KIF13A: variants seen among roughly 807,000 people sequenced by gnomAD.
The protein encoded by KIF13A is kinesin family member 13A, also known as kinesin-like protein KIF13A.
In KIF13A, 79 loss-of-function variants were observed where a neutral mutation model predicts 212.2. The ratio of observed to expected loss-of-function variants is 0.37; its 90% confidence interval spans 0.31 to 0.45. The LOEUF is 0.45. Ranked by LOEUF, KIF13A falls within the 20% of genes least tolerant of loss-of-function variation. The probability of loss-of-function intolerance (pLI) is 1.00; values close to 1 mark genes in which losing one functional copy is unlikely to be tolerated. For missense variants in KIF13A, 1,901 were observed against 2,209.0 expected, an observed-to-expected ratio of 0.86 and a Z score of 2.79; for synonymous variants, 789 against 808.6, an observed-to-expected ratio of 0.98 and a Z score of 0.41.
At chr6:17,890,730 G>A (rs972908441) in intron 3 of KIF13A, among the ~76,000 whole-genome samples, 17 of 149,864 alleles carry the variant, frequency 1.1e-4, no homozygotes, top group African/African-American at 4.2e-4. Context: ...GGGCTCAAGC[G>A]ATCTTCCCAC....
At chr6:17,948,491 A>G (rs9477558) in intron 2 of KIF13A, among the ~76,000 whole-genome samples, 121,154 of 151,042 alleles carry the variant, frequency 0.8, 49,063 homozygotes, top group African/African-American at 0.9. Context: ...AAGTTATGCT[A>G]CATGAACAGG....
At chr6:17,937,819 G>A (rs1776608688) in intron 2 of KIF13A, among the ~76,000 whole-genome samples, 1 of 149,254 alleles carries the variant, frequency 6.7e-6, no homozygotes, top group East Asian at 2.0e-4. Context: ...GCACAATTTC[G>A]GCCACCGCAA....
chr6:17,859,526 T>C (rs1768496259), intron 4 of KIF13A, among the ~76,000 whole-genome samples: 1 of 150,740 alleles, frequency 6.6e-6, no homozygotes, highest in South Asian at 2.1e-4. Context: ...AAACAGGACA[T>C]GATTTAACCT....
intron 2 of KIF13A, among the ~76,000 whole-genome samples, chr6:17,927,758 G>C (rs769123132): frequency 1.1e-4 from 16 of 152,244 alleles, no homozygotes; most frequent in African/African-American, 3.4e-4. Context: ...CAGAGAAAAA[G>C]AGTGAGATTT....
chr6:17,977,755 G>C (rs984376831), intron 2 of KIF13A, among the ~76,000 whole-genome samples: 2 of 152,332 alleles, frequency 1.3e-5, no homozygotes, highest in Admixed American at 6.5e-5. Context: ...ACAACGTGCA[G>C]ATTTGTTACA....
intron 11 of KIF13A, among the ~76,000 whole-genome samples, chr6:17,835,068 C>A (rs537167384): frequency 1.1e-4 from 16 of 151,620 alleles, no homozygotes; most frequent in Non-Finnish European, 2.2e-4. Context: ...TGTCTGTAAT[C>A]CTAGCTACTT....
rs753728915 is a variant in KIF13A, at chr6:17,834,011, G to A, written c.1216C>T (p.Leu406=). 11 of 1,604,310 alleles carry A rather than the reference G, an allele frequency of 6.9e-6. No homozygotes were observed. In the South Asian group the frequency reaches 1.2e-4, roughly 18 times the overall value. Residue 406 remains leucine (L), a synonymous_variant, in exon 12 of 39, where the codon CTA becomes TTA. Coordinates refer to ENST00000259711, the MANE Select transcript of KIF13A (RefSeq NM_022113.6). This position sits in a 1 kb window ranked among gnomAD's most constrained non-coding sequence, Gnocchi z 4.0. The part of the protein sequence containing the change: ...LEESEKLIKE[L]TVTWEEKLRK... The stretch of plus-strand genomic sequence containing the variant: ...AGCTTCTCTTCCCAAGTCACTGTTA[G>A]TTCTTTTATCAGCTTTTCAGACTCT...
Position 17,772,098 on chromosome 6 carries a change from A to G in KIF13A, c.4325-39T>C. 1 of 1,597,892 alleles carries G rather than the reference A, an allele frequency of 6.3e-7. No homozygotes were observed. The highest frequency in any genetic ancestry group is 8.6e-7 in the Non-Finnish European group (1 of 1,166,896). On this transcript the variant is annotated intron_variant, in intron 36 of 38. Coordinates refer to ENST00000259711, the MANE Select transcript of KIF13A (RefSeq NM_022113.6). This position sits in a 1 kb window ranked among gnomAD's most constrained non-coding sequence, Gnocchi z 4.8. ...GAAGTTATGAGGTTACAGATGCTGA[A>G]CACTTTAAGCAAAACATAGGAACTG...
intron 4 of KIF13A, among the ~76,000 whole-genome samples, chr6:17,861,831 T>C (rs960100371): frequency 6.6e-6 from 1 of 152,192 alleles, no homozygotes; most frequent in African/African-American, 2.4e-5. Context: ...TCCCAGTCTG[T>C]CATCTGCCTA....
At chr6:17,813,278 G>A (rs1431377995) in intron 17 of KIF13A, among the ~76,000 whole-genome samples, 2 of 152,104 alleles carry the variant, frequency 1.3e-5, no homozygotes, top group Non-Finnish European at 1.5e-5. Context: ...TCAGGGGTTC[G>A]AGACCAGCCT....
At chr6:17,847,058 T>C (rs566118164) in intron 9 of KIF13A, among the ~76,000 whole-genome samples, 1 of 152,338 alleles carries the variant, frequency 6.6e-6, no homozygotes, top group Non-Finnish European at 1.5e-5. Flanking sequence ...GCATTCAGAA[T>C]AGTGCCTGGC....
chr6:17,844,168 G>A (rs1431405744), intron 9 of KIF13A, among the ~76,000 whole-genome samples: 1 of 152,138 alleles, frequency 6.6e-6, no homozygotes, highest in Non-Finnish European at 1.5e-5. Flanking sequence ...AAGCAGAAAT[G>A]GAAAAGAATA....
chr6:17,896,874 G>A (rs72839123), intron 3 of KIF13A, among the ~76,000 whole-genome samples: 8,123 of 152,264 alleles, frequency 0.053, 283 homozygotes, highest in Non-Finnish European at 0.087. Context: ...CTACAAGACT[G>A]ACTCTTCTGA....
chr6:17,808,317 C>T (rs6459575), intron 18 of KIF13A, among the ~76,000 whole-genome samples: 2,490 of 152,174 alleles, frequency 0.016, 78 homozygotes, highest in African/African-American at 0.056. Flanking sequence ...ACCCAGGAGG[C>T]GGAGATTGCA....
chr6:17,964,581 G>A (rs1020260350), intron 2 of KIF13A, among the ~76,000 whole-genome samples: 6 of 152,056 alleles, frequency 3.9e-5, no homozygotes, highest in South Asian at 2.1e-4. Flanking sequence ...AGAAAATGTC[G>A]GTGAGGAAGA....
rs115516581 is a variant in KIF13A at position 17,963,600 on chromosome 6, T to C, written c.146+23454A>G. Reference sequence around the variant, plus strand: ...TGAGACAGAGTCTTGCTGTGTCGCCTAGGCTGGAGTGCTGCGCGTGATCGC... The same window carrying C: ...TGAGACAGAGTCTTGCTGTGTCGCCCAGGCTGGAGTGCTGCGCGTGATCGC... On this transcript the variant is annotated intron_variant, in intron 2 of 38. Coordinates refer to ENST00000259711, the MANE Select transcript of KIF13A (RefSeq NM_022113.6). The surrounding 1 kb of genome is among the most constrained non-coding windows in gnomAD (Gnocchi z 4.1). Among the ~76,000 whole-genome samples the C allele has an allele frequency of 0.013, 1,981 of 152,310 alleles. 44 individuals carry two copies. Among genetic ancestry groups the C allele is most frequent in the African/African-American group, 0.045 (1,867 of 41,570 alleles).
chr6:17,889,990 G>C (rs1771897293), intron 3 of KIF13A, among the ~76,000 whole-genome samples: 1 of 152,122 alleles, frequency 6.6e-6, no homozygotes, highest in Admixed American at 6.6e-5. Flanking sequence ...GGGAAAACCT[G>C]TTGACAGGAA....
At chr6:17,804,292 T>G in intron 20 of KIF13A, 69 bp downstream of exon 20, 1 of 1,383,006 alleles carries the variant, frequency 7.2e-7, no homozygotes, top group African/African-American at 1.5e-5. Flanking sequence ...TTAAATAGAA[T>G]GAAAAACAAA....
At chr6:17,817,267 G>C in intron 16 of KIF13A, 34 bp from the exon 17 acceptor site, 1 of 1,591,450 alleles carries the variant, frequency 6.3e-7, no homozygotes, top group African/African-American at 1.3e-5. Context: ...AGGTGTCTTA[G>C]TGGCGGCTAA....
Sources: gnomAD v4.1 joint callset for allele counts (sites outside exome capture counted in the v4.1 genomes callset) on GRCh38, gnomAD v4.1.1 for gene constraint, Gnocchi (gnomAD v3.1) non-coding constraint, MANE v1.5 for transcripts, NCBI Gene and HGNC (gene_info 2026-07-23, HGNC 2026-07-21) for gene names.